GLS: variants seen among roughly 807,000 people sequenced by gnomAD.
GLS encodes the protein glutaminase.
A neutral mutation model predicts 86.7 loss-of-function variants in GLS; 36 were observed. The ratio of observed to expected loss-of-function variants is 0.42; its 90% CI spans 0.32 to 0.55. The LOEUF is 0.55. GLS is among the 20% of genes least tolerant of loss of function. The pLI is 0.17. For synonymous variants in GLS, 317 were observed against 305.9 expected (o/e 1.04, Z -0.38); for missense variants, 528 against 833.4 (o/e 0.63, Z 4.51).
In GLS at chr2:190,954,113, A is replaced by G. The variant is rs1298939260; in HGVS notation, c.1713-471A>G. On this transcript the variant is annotated intron_variant, in intron 15 of 17. Coordinates refer to ENST00000320717, the MANE Select transcript of GLS (RefSeq NM_014905.5). The surrounding 1 kb of genome is among the most constrained non-coding windows in gnomAD (Gnocchi z 4.0). Reference sequence around the variant, plus strand: ...ACTTATTTTCTTTTTTTTTTCTCCCATTAATACCTCAAATAACTGATTTTC... The same window carrying G: ...ACTTATTTTCTTTTTTTTTTCTCCCGTTAATACCTCAAATAACTGATTTTC... Among the ~76,000 whole-genome samples the G allele has an allele frequency of 6.6e-6, 1 of 150,904 alleles. No individual in the cohort carries two copies. Among genetic ancestry groups the G allele is most frequent in the Admixed American group, 6.6e-5 (1 of 15,124 alleles).
chr2:190,925,356 C>T (rs1237003726), intron 11 of GLS, among the ~76,000 whole-genome samples: 1 of 152,106 alleles, frequency 6.6e-6, no homozygotes, highest in African/African-American at 2.4e-5. Context: ...TCTGCAGTGT[C>T]ATATGTCGGG....
At position 190,889,084 on chromosome 2, in the gene GLS, G is replaced by A. The variant is rs191542668; in HGVS notation, c.387-6068G>A. On this transcript the variant is annotated intron_variant, in intron 1 of 17. Transcript: ENST00000320717. ...GTGATTTGGAGGACATCTATTTTTAGCAACTCAAAAACTGAGAATTAAGCT... is the reference window on the plus strand; with the variant it reads ...GTGATTTGGAGGACATCTATTTTTAACAACTCAAAAACTGAGAATTAAGCT... Among the ~76,000 whole-genome samples the A allele has an allele frequency of 8.5e-5, 13 of 152,258 alleles. No homozygotes were observed. The East Asian group carries it at 2.1e-3, about 25-fold the overall frequency.
intron 5 of GLS, 58 bp from the exon 6 acceptor site, chr2:190,904,946 A>G (rs888102309): frequency 2.1e-6 from 2 of 945,180 alleles, no homozygotes; most frequent in African/African-American, 1.6e-5. Flanking sequence ...AATTCCAACT[A>G]TGCAGTTACA....
At position 190,947,837 on chromosome 2, in the gene GLS, C is replaced by G. The variant is rs749671998; in HGVS notation, c.1651-5728C>G. Among the ~76,000 whole-genome samples the G allele has an allele frequency of 5.9e-5, 9 of 152,018 alleles. No individual in the cohort carries two copies. The South Asian group carries it at 1.2e-3, about 21-fold the overall frequency. ...GTGGATGACTGATCTTCTAGAGTGCCCCTCTCCTTCAGTTTGTTTGCTATG... is the reference window on the plus strand; with the variant it reads ...GTGGATGACTGATCTTCTAGAGTGCGCCTCTCCTTCAGTTTGTTTGCTATG... On this transcript the variant is annotated intron_variant, in intron 14 of 17. Transcript: ENST00000320717. This position sits in a 1 kb window ranked among gnomAD's most constrained non-coding sequence, Gnocchi z 5.0.
Position 190,880,965 on chromosome 2 carries a change from G to A in GLS, c.-120G>A. ...TCCGAGCCGGAACCACACCCAAGTAGCTGCCCTTTCCTCTTCTGTCATCTC... is the reference window on the plus strand; with the variant it reads ...TCCGAGCCGGAACCACACCCAAGTAACTGCCCTTTCCTCTTCTGTCATCTC... On this transcript the variant is annotated 5_prime_UTR_variant, in exon 1 of 18. Transcript: ENST00000320717. 1 of 1,183,280 alleles carries A rather than the reference G, an allele frequency of 8.5e-7. No individual in the cohort carries two copies. Among genetic ancestry groups the A allele is most frequent in the Non-Finnish European group, 1.2e-6 (1 of 836,994 alleles). The allele number at this position is 1,183,280 out of a possible 1,614,324, so 73.3% of individuals were successfully genotyped here.
At chr2:190,934,826 T>TG (rs1414043002) in intron 14 of GLS, 1 of 972,482 alleles carries the variant, frequency 1.0e-6, no homozygotes, top group African/African-American at 1.8e-5. Flanking sequence ...TAGAAAATGT[T>TG]AAGAATGAGC....
At chr2:190,946,648 A>C (rs1237255050) in intron 14 of GLS, among the ~76,000 whole-genome samples, 1 of 151,964 alleles carries the variant, frequency 6.6e-6, no homozygotes, top group Non-Finnish European at 1.5e-5. Context: ...AAAGTGTAAA[A>C]CCAGTGAACC....
rs1690807547 is a variant in GLS at position 190,954,460 on chromosome 2, C to T, written c.1713-124C>T. On this transcript the variant is annotated intron_variant, in intron 15 of 17. Transcript: ENST00000320717. The surrounding 1 kb of genome is among the most constrained non-coding windows in gnomAD (Gnocchi z 4.0). ...ACTGGTTAATAAGGTCGGTAGTTCC[C>T]ATTAATGAGCTTGATGAAGGATGGC... 4.6e-6 allele frequency: 3 copies of T among 654,548 alleles called. No homozygotes were observed. Among genetic ancestry groups the T allele is most frequent in the East Asian group, 5.4e-5 (2 of 36,828 alleles). 40.5% of individuals were successfully genotyped at this position (654,548 alleles called of 1,614,324 possible). A position where few individuals can be genotyped will look rare whatever the true frequency, so the allele number is the denominator to read the frequency against.
Position 190,954,533 on chromosome 2 carries a change from GAATTA to G in GLS, c.1713-46_1713-42del. 3 of 1,193,552 alleles carry G rather than the reference GAATTA, an allele frequency of 2.5e-6. No individual in the cohort carries two copies. The highest frequency in any genetic ancestry group is 3.7e-6 in the Non-Finnish European group (3 of 817,874). The allele number at this position is 1,193,552 out of a possible 1,614,324, so 73.9% of individuals were successfully genotyped here. On this transcript the variant is annotated intron_variant, in intron 15 of 17. Coordinates refer to ENST00000320717, the MANE Select transcript of GLS (RefSeq NM_014905.5). This position sits in a 1 kb window ranked among gnomAD's most constrained non-coding sequence, Gnocchi z 4.0. ...CTGATGGAGTGAATGTTACCAGTGT[GAATTA>G]AATTTGCTTTATATATAATAAATAG...
chr2:190,881,642 G>A, intron 1 of GLS, 172 bp downstream of exon 1: 1 of 594,810 alleles, frequency 1.7e-6, no homozygotes, highest in Non-Finnish European at 2.7e-6. Flanking sequence ...GGCCCCGCCC[G>A]CGCCTTCCCC....
chr2:190,902,601 A>G (rs1688984224), intron 5 of GLS, among the ~76,000 whole-genome samples: 1 of 152,194 alleles, frequency 6.6e-6, no homozygotes, highest in South Asian at 2.1e-4. Flanking sequence ...TAGTGATGTG[A>G]GGGCGCTTTA....
At chr2:190,940,744 T>C (rs1223437136) in intron 14 of GLS, among the ~76,000 whole-genome samples, 2 of 152,068 alleles carry the variant, frequency 1.3e-5, no homozygotes, top group East Asian at 3.9e-4. Context: ...AGCAAACTTT[T>C]TTTTTTTTTT....
intron 7 of GLS, among the ~76,000 whole-genome samples, chr2:190,918,719 G>A (rs755702214): frequency 1.3e-5 from 2 of 152,082 alleles, no homozygotes; most frequent in Non-Finnish European, 2.9e-5. Context: ...TTCTTACTAA[G>A]CTTAATAATC....
intron 14 of GLS, chr2:190,934,496 A>G (rs980768729): frequency 4.1e-6 from 4 of 982,982 alleles, no homozygotes; most frequent in Non-Finnish European, 4.8e-6. Context: ...TCCTAACTGG[A>G]TGCTTCTCAA....
At chr2:190,910,194 T>A in intron 6 of GLS, 69 bp from the exon 7 acceptor site, 2 of 950,212 alleles carry the variant, frequency 2.1e-6, no homozygotes, top group Non-Finnish European at 3.2e-6. Context: ...CCAAGGTCAT[T>A]TTTAGTATAG....
chr2:190,882,717 C>T (rs1404561096), intron 1 of GLS, among the ~76,000 whole-genome samples: 2 of 152,064 alleles, frequency 1.3e-5, no homozygotes, highest in Non-Finnish European at 2.9e-5. Context: ...TGATGATGGG[C>T]GAAATTTGTG....
intron 1 of GLS, among the ~76,000 whole-genome samples, chr2:190,893,344 C>T (rs557184661): frequency 2.6e-5 from 4 of 152,132 alleles, no homozygotes; most frequent in Non-Finnish European, 5.9e-5. Flanking sequence ...AGCTTCTTAA[C>T]CTCTGAGCCT....
rs1690810025 is a variant in GLS at position 190,954,529 on chromosome 2, GT to G, written c.1713-54del. ...TGAACTGATGGAGTGAATGTTACCA[GT>G]GTGAATTAAATTTGCTTTATATATA... is the stretch of plus-strand genomic sequence containing the variant. On this transcript the variant is annotated intron_variant, in intron 15 of 17. Coordinates refer to ENST00000320717, the MANE Select transcript of GLS (RefSeq NM_014905.5). The surrounding 1 kb of genome is among the most constrained non-coding windows in gnomAD (Gnocchi z 4.0). The G allele has an allele frequency of 8.8e-7, 1 of 1,138,102 alleles. No homozygotes were observed. Among genetic ancestry groups the G allele is most frequent in the African/African-American group, 1.5e-5 (1 of 64,696 alleles). The allele number at this position is 1,138,102 out of a possible 1,614,324, so 70.5% of individuals were successfully genotyped here. A position where few individuals can be genotyped will look rare whatever the true frequency, so the allele number is the denominator to read the frequency against.
rs1473975584 is a variant in GLS, at chr2:190,947,607, CTG to C, written c.1651-5956_1651-5955del. On this transcript the variant is annotated intron_variant, in intron 14 of 17. Coordinates refer to ENST00000320717, the MANE Select transcript of GLS (RefSeq NM_014905.5). This position sits in a 1 kb window ranked among gnomAD's most constrained non-coding sequence, Gnocchi z 5.0. ...AGCTATTATTGCGGCTGTGTATAGT[CTG>C]TTTCTTTATAGTAAGGAATTATTTA... Among the ~76,000 whole-genome samples, 81 of 152,168 alleles carry C rather than the reference CTG, an allele frequency of 5.3e-4. 1 individual carries two copies. The highest frequency in any genetic ancestry group is 1.9e-3 in the African/African-American group (80 of 41,438).
Sources: gnomAD v4.1 joint callset for allele counts (sites outside exome capture counted in the v4.1 genomes callset) on GRCh38, gnomAD v4.1.1 for gene constraint, Gnocchi (gnomAD v3.1) non-coding constraint, MANE v1.5 for transcripts, NCBI Gene and HGNC (gene_info 2026-07-23, HGNC 2026-07-21) for gene names.